Variants in ZNF606 observed in about 807,000 individuals in gnomAD.
ZNF606 encodes zinc finger protein 328.
In ZNF606, 37 loss-of-function variants were observed where a neutral mutation model predicts 74.9. That is an observed-to-expected ratio of 0.49 (90% CI 0.38 to 0.65). The LOEUF is 0.65. Among genes scored for constraint, ZNF606 ranks in the 30% least tolerant of loss-of-function variants. The pLI, the probability that ZNF606 is intolerant of heterozygous loss-of-function variation, is 0.00. For missense variants in ZNF606, 852 were observed against 952.9 expected (o/e 0.89, Z 1.39); for synonymous variants, 328 against 312.4 (o/e 1.05, Z -0.53).
chr19:57,993,116 C>T (rs894910519), intron 4 of ZNF606, among the ~76,000 whole-genome samples: 3 of 152,076 alleles, frequency 2.0e-5, no homozygotes, highest in African/African-American at 7.2e-5. Context: ...GAGGACAGGG[C>T]ATGAGTCAGG....
chr19:57,992,395 CT>C (rs2073274298), intron 4 of ZNF606, among the ~76,000 whole-genome samples: 2 of 152,162 alleles, frequency 1.3e-5, no homozygotes, highest in Admixed American at 6.5e-5. Context: ...CCAAATGAAT[CT>C]ACTCAGGCCT....
At chr19:57,991,037 A>G (rs1307253103) in intron 4 of ZNF606, among the ~76,000 whole-genome samples, 1 of 151,892 alleles carries the variant, frequency 6.6e-6, no homozygotes, top group Non-Finnish European at 1.5e-5. Context: ...CGCCTCCTGC[A>G]CCCTCGTCCC....
intron 4 of ZNF606, 67 bp downstream of exon 4, chr19:57,999,741 G>A (rs779436387): frequency 5.4e-6 from 8 of 1,478,584 alleles, no homozygotes; most frequent in African/African-American, 4.1e-5. Context: ...CTGGAGAGCC[G>A]CATCAACTGG....
At chr19:57,984,112 G>A (rs112887197) in intron 6 of ZNF606, among the ~76,000 whole-genome samples, 2 of 152,254 alleles carry the variant, frequency 1.3e-5, no homozygotes, top group Non-Finnish European at 2.9e-5. Context: ...CATTTCAGAG[G>A]AAGAAAATCT....
intron 2 of ZNF606, 59 bp from the exon 3 acceptor site, chr19:58,000,798 A>T (rs1184453776): frequency 6.8e-7 from 1 of 1,472,618 alleles, no homozygotes; most frequent in African/African-American, 1.4e-5. Flanking sequence ...AAGGCGACAA[A>T]ATACAAGAGG....
intron 4 of ZNF606, among the ~76,000 whole-genome samples, chr19:57,990,364 CA>C (rs557558121): frequency 1.0e-3 from 109 of 109,408 alleles, no homozygotes; most frequent in Non-Finnish European, 8.1e-4. Flanking sequence ...GACTCTGTCT[CA>C]AAAAAAAAAA....
chr19:57,982,626 C>T (rs916631029), intron 6 of ZNF606, among the ~76,000 whole-genome samples: 2 of 151,914 alleles, frequency 1.3e-5, no homozygotes, highest in Non-Finnish European at 2.9e-5. Context: ...CCCCTTTTAC[C>T]ACCCAAGTCC....
chr19:57,989,824 G>A (rs1023446535), intron 4 of ZNF606, among the ~76,000 whole-genome samples: 16 of 151,332 alleles, frequency 1.1e-4, no homozygotes, highest in African/African-American at 3.6e-4. Flanking sequence ...AGTCCTAGGT[G>A]GGCGGATCAC....
At chr19:57,996,719 G>C (rs2073346581) in intron 4 of ZNF606, among the ~76,000 whole-genome samples, 1 of 152,154 alleles carries the variant, frequency 6.6e-6, no homozygotes, top group Non-Finnish European at 1.5e-5. Context: ...GTGCTAAAGA[G>C]AGAAGAGTAC....
In ZNF606 at chr19:58,000,726, G is replaced by A. The variant is rs1338688167; in HGVS notation, c.45C>T (p.Asp15=). The part of the protein sequence containing the change: ...NPWASWGALT[D]QSWGMTAVDP... ...CAACAGCTGTCATCCCCCAAGATTG[G>A]TCCGTAAGGGCACCTGCACAGAAGG... Residue 15 remains aspartate (D), a synonymous_variant, in exon 3 of 7, where the codon GAC becomes GAT. Coordinates refer to ENST00000551380, the MANE Select transcript of ZNF606 (RefSeq NM_001348022.3). 6.3e-7 allele frequency: 1 copy of A among 1,593,886 alleles called. No individual in the cohort carries two copies. Among genetic ancestry groups the A allele is most frequent in the African/African-American group, 1.3e-5 (1 of 74,588 alleles).
chr19:57,983,042 T>C (rs1600216573), intron 6 of ZNF606, among the ~76,000 whole-genome samples: 1 of 152,210 alleles, frequency 6.6e-6, no homozygotes, highest in Admixed American at 6.5e-5. Context: ...TATCTTCATA[T>C]AGATTTTTAA....
chr19:57,984,035 G>C (rs759010653), intron 6 of ZNF606, among the ~76,000 whole-genome samples: 1 of 152,132 alleles, frequency 6.6e-6, no homozygotes, highest in South Asian at 2.1e-4. Flanking sequence ...CATCAACTTG[G>C]GCTGGAATTT....
chr19:57,982,515 C>T (rs1365257646), intron 6 of ZNF606, among the ~76,000 whole-genome samples: 4 of 152,116 alleles, frequency 2.6e-5, no homozygotes, highest in African/African-American at 9.7e-5. Context: ...AGTCATTATC[C>T]AGATTGCTAC....
chr19:57,995,326 C>T (rs1238789091), intron 4 of ZNF606, among the ~76,000 whole-genome samples: 1 of 151,728 alleles, frequency 6.6e-6, no homozygotes, highest in Admixed American at 6.6e-5. Flanking sequence ...TTCACTGGAG[C>T]AGCAAAAACA....
upstream of ZNF606, chr19:58,002,825 C>T: frequency 2.2e-6 from 1 of 448,292 alleles, no homozygotes. Flanking sequence ...TCGACCGGAG[C>T]GCGCCGCGGG....
chr19:57,990,910 T>C (rs2073248402), intron 4 of ZNF606, among the ~76,000 whole-genome samples: 1 of 152,198 alleles, frequency 6.6e-6, no homozygotes, highest in South Asian at 2.1e-4. Context: ...TCAGCCTTAC[T>C]GTGCCCCATG....
chr19:57,980,357 C>G (rs1477918054), intron 6 of ZNF606, 78 bp from the exon 7 acceptor site: 32 of 1,422,520 alleles, frequency 2.2e-5, no homozygotes, highest in Non-Finnish European at 3.0e-5. Context: ...GATTTACTGT[C>G]CATATTATCA....
At chr19:57,983,896 C>A (rs528554592) in intron 6 of ZNF606, among the ~76,000 whole-genome samples, 1 of 152,174 alleles carries the variant, frequency 6.6e-6, no homozygotes, top group Non-Finnish European at 1.5e-5. Context: ...GTTTTGAAAT[C>A]CAGTTGTTTT....
rs376723941 is a variant in ZNF606 at position 57,981,055 on chromosome 19, T to C, written c.401-776A>G. ...ATATGTGTGCAAACAATGTCATTCA[T>C]AGTGATCACCTGCTTTCCCTCAGGG... is the stretch of plus-strand genomic sequence containing the variant. On this transcript the variant is annotated intron_variant, in intron 6 of 6. Transcript: ENST00000551380. Among the ~76,000 whole-genome samples the C allele has an allele frequency of 1.2e-4, 18 of 152,318 alleles. No homozygotes were observed. In the East Asian group the frequency reaches 2.9e-3, roughly 24 times the overall value.
Sources: allele counts gnomAD v4.1 joint callset (sites outside exome capture counted in the v4.1 genomes callset), GRCh38; gene constraint gnomAD v4.1.1; transcripts MANE v1.5; gene names NCBI Gene and HGNC (gene_info 2026-07-23, HGNC 2026-07-21).